Variants in IL7 observed in about 807,000 individuals in gnomAD.
The protein encoded by IL7 is interleukin 7, also known as interleukin-7.
Under a neutral mutation model 21.6 loss-of-function variants are expected in IL7, and 3 were observed. That is an observed-to-expected ratio of 0.14 (90% CI 0.06 to 0.36). The LOEUF (loss-of-function observed/expected upper bound fraction) is 0.36, where lower values mean the gene tolerates loss of function less well. Among genes scored for constraint, IL7 ranks in the 10% least tolerant of loss-of-function variants. The pLI is 1.00. For missense variants in IL7, 175 were observed against 200.2 expected, an observed-to-expected ratio of 0.87 and a Z score of 0.76; for synonymous variants, 62 against 68.1, an observed-to-expected ratio of 0.91 and a Z score of 0.44.
intron 4 of IL7, among the ~76,000 whole-genome samples, chr8:78,681,824 A>G (rs1809792572): frequency 6.6e-6 from 1 of 151,710 alleles, no homozygotes; most frequent in South Asian, 2.1e-4. Context: ...TCTTTATAAT[A>G]TCTTCTTGTC....
chr8:78,761,117 A>G, intron 2 of IL7: 14 of 1,593,130 alleles, frequency 8.8e-6, no homozygotes, highest in Non-Finnish European at 1.2e-5. Context: ...GAGTTCCACT[A>G]AAATTTCAAA....
At chr8:78,769,013 AG>A (rs1812858001) in intron 2 of IL7, among the ~76,000 whole-genome samples, 1 of 152,220 alleles carries the variant, frequency 6.6e-6, no homozygotes, top group Non-Finnish European at 1.5e-5. Context: ...TCAATAACTT[AG>A]GTATTGATGG....
At chr8:78,681,351 G>T (rs777561944) in intron 4 of IL7, among the ~76,000 whole-genome samples, 1 of 152,146 alleles carries the variant, frequency 6.6e-6, no homozygotes, top group Non-Finnish European at 1.5e-5. Flanking sequence ...AAAAAAGGTA[G>T]AAAAGAACAG....
intron 2 of IL7, among the ~76,000 whole-genome samples, chr8:78,785,928 C>A (rs1451588317): frequency 6.6e-6 from 1 of 152,162 alleles, no homozygotes; most frequent in African/African-American, 2.4e-5. Flanking sequence ...AATGGTAGTG[C>A]ACTGAGAAGT....
chr8:78,760,108 A>G, intron 2 of IL7: 12 of 1,489,724 alleles, frequency 8.1e-6, no homozygotes, highest in Non-Finnish European at 8.9e-6. Context: ...ACTTCCAAAT[A>G]TCAAATATAA....
chr8:78,778,395 AG>A (rs2130802556), intron 2 of IL7, among the ~76,000 whole-genome samples: 1 of 152,228 alleles, frequency 6.6e-6, no homozygotes, highest in African/African-American at 2.4e-5. Flanking sequence ...GTTCTTGAAG[AG>A]GGGAATACAT....
In IL7 at chr8:78,753,426, A is replaced by AT. The variant is rs1196110218; in HGVS notation, c.148-13345dup. Among the ~76,000 whole-genome samples the AT allele has an allele frequency of 5.3e-5, 8 of 151,726 alleles. No homozygotes were observed. In the East Asian group the frequency reaches 1.6e-3, roughly 29 times the overall value. Reference sequence around the variant, plus strand: ...TGCCCACTTTTTGATGGGTTTGTTTATTTTTTTCTTATAAATTTGTTTAAG... The same window carrying AT: ...TGCCCACTTTTTGATGGGTTTGTTTATTTTTTTTCTTATAAATTTGTTTAAG... On this transcript the variant is annotated intron_variant, in intron 2 of 5. Transcript: ENST00000263851.
intron 3 of IL7, among the ~76,000 whole-genome samples, chr8:78,689,858 T>A (rs1810151454): frequency 1.3e-5 from 2 of 152,184 alleles, no homozygotes; most frequent in South Asian, 4.1e-4. Context: ...GCTCCTTATC[T>A]TGTATCAAAG....
At chr8:78,798,845 A>T (rs1813956593) in intron 1 of IL7, among the ~76,000 whole-genome samples, 1 of 151,946 alleles carries the variant, frequency 6.6e-6, no homozygotes, top group Non-Finnish European at 1.5e-5. Flanking sequence ...GTCCCCAGAG[A>T]CCCAGATTCT....
At chr8:78,804,490 G>A (rs1311574198) in intron 1 of IL7, among the ~76,000 whole-genome samples, 1 of 152,236 alleles carries the variant, frequency 6.6e-6, no homozygotes, top group East Asian at 1.9e-4. Context: ...AGGGAGTTCT[G>A]AGCTGCAAGA....
At chr8:78,786,523 C>A (rs1422755463) in intron 2 of IL7, among the ~76,000 whole-genome samples, 1 of 152,138 alleles carries the variant, frequency 6.6e-6, no homozygotes, top group Non-Finnish European at 1.5e-5. Flanking sequence ...ACTGGCAGTG[C>A]AATGGGTTTG....
intron 4 of IL7, chr8:78,678,496 A>G: frequency 1.6e-6 from 2 of 1,245,230 alleles, no homozygotes; most frequent in Non-Finnish European, 2.3e-6. Flanking sequence ...CTCAATGTAA[A>G]TAAAGTTCTG....
intron 1 of IL7, among the ~76,000 whole-genome samples, chr8:78,800,564 T>A (rs1034791322): frequency 6.6e-6 from 1 of 152,214 alleles, no homozygotes; most frequent in African/African-American, 2.4e-5. Flanking sequence ...CCTCCTTAAG[T>A]GTCAGAATTA....
chr8:78,738,402 A>C lies in IL7; in HGVS notation c.360+102T>G. ...ACTTCAACTTTAGATGATAATAAAC[A>C]CTTAGGATTCTATGATAATGGATGT... is the stretch of plus-strand genomic sequence containing the variant. On this transcript the variant is annotated intron_variant, in intron 4 of 5. Transcript: ENST00000263851. 11 of 1,007,940 alleles carry C rather than the reference A, an allele frequency of 1.1e-5. No homozygotes were observed. In the South Asian group the frequency reaches 2.0e-4, roughly 19 times the overall value. The allele number at this position is 1,007,940 out of a possible 1,614,324, so 62.4% of individuals were successfully genotyped here. A position where few individuals can be genotyped will look rare whatever the true frequency, so the allele number is the denominator to read the frequency against.
At chr8:78,720,689 T>C (rs1316644399) in intron 5 of IL7, among the ~76,000 whole-genome samples, 11 of 151,902 alleles carry the variant, frequency 7.2e-5, no homozygotes. Flanking sequence ...CCAGCTCAAC[T>C]GGGGCACCAG....
intron 3 of IL7, among the ~76,000 whole-genome samples, chr8:78,707,687 G>T (rs979154813): frequency 6.6e-6 from 1 of 152,050 alleles, no homozygotes. Flanking sequence ...TGTCCATTCT[G>T]TATAAGATCC....
chr8:78,736,494 C>A lies in IL7; in HGVS notation c.394G>T (p.Ala132Ser), dbSNP rs779819533. 4 of 1,603,574 alleles carry A rather than the reference C, an allele frequency of 2.5e-6. No homozygotes were observed. Among genetic ancestry groups the A allele is most frequent in the Admixed American group, 1.7e-5 (1 of 59,478 alleles). The change falls in exon 5 of 6, where the codon GCC becomes TCC. Residue 132 changes from alanine (A) to serine (S), a missense_variant. By Grantham distance (99) the Ala-to-Ser change is moderately conservative. Transcript: ENST00000263851. ...CTCACCAAACTCTTTGTTGGTTGGG[C>A]TTCACCCAGGGCAGCTGGTTTTCTT... ...KGRKPAALGE[A>S]QPTKSLEENK...
At chr8:78,772,475 G>A (rs771291967) in intron 2 of IL7, among the ~76,000 whole-genome samples, 7 of 152,056 alleles carry the variant, frequency 4.6e-5, no homozygotes, top group Non-Finnish European at 8.8e-5. Flanking sequence ...TCAAGATAAA[G>A]TGCAACAGTA....
At chr8:78,785,049 A>T (rs569785708) in intron 2 of IL7, among the ~76,000 whole-genome samples, 4 of 152,120 alleles carry the variant, frequency 2.6e-5, no homozygotes, top group Admixed American at 2.6e-4. Context: ...TTGCATTTAG[A>T]TGTGAAAAAT....
Sources: gnomAD v4.1 joint callset for allele counts (sites outside exome capture counted in the v4.1 genomes callset) on GRCh38, gnomAD v4.1.1 for gene constraint, MANE v1.5 for transcripts, NCBI Gene and HGNC (gene_info 2026-07-23, HGNC 2026-07-21) for gene names.